SOX6: variants seen among roughly 807,000 people sequenced by gnomAD.
SOX6 encodes the protein transcription factor SOX-6.
Under a neutral mutation model 97.8 loss-of-function variants are expected in SOX6, and 11 were observed. The observed-to-expected ratio is 0.11, with a 90% CI of 0.07 to 0.19. The LOEUF is 0.19. Among genes scored for constraint, SOX6 ranks in the 10% least tolerant of loss-of-function variants. The pLI, the probability that SOX6 is intolerant of heterozygous loss-of-function variation, is 1.00. For synonymous variants in SOX6, 360 were observed against 371.4 expected (o/e 0.97, Z 0.35); for missense variants, 810 against 1,039.5 (o/e 0.78, Z 3.04).
chr11:16,334,258 A>C (rs2134328985), intron 2 of SOX6, among the ~76,000 whole-genome samples: 1 of 152,280 alleles, frequency 6.6e-6, no homozygotes, highest in South Asian at 2.1e-4. Context: ...AAATGCAAAA[A>C]GTCTTTGCAC....
intron 3 of SOX6, among the ~76,000 whole-genome samples, chr11:16,279,460 T>C (rs1417792918): frequency 2.0e-5 from 3 of 152,090 alleles, no homozygotes; most frequent in Non-Finnish European, 4.4e-5. Context: ...CATATTTCAA[T>C]TTCTGAAGAG....
chr11:16,599,897 A>G (rs1011053825), intron 4 of SOX6, among the ~76,000 whole-genome samples: 4 of 152,222 alleles, frequency 2.6e-5, no homozygotes, highest in African/African-American at 9.6e-5. Flanking sequence ...GAGATTCTGA[A>G]TATAAACAAG....
intron 3 of SOX6, among the ~76,000 whole-genome samples, chr11:16,693,293 T>A (rs771051871): frequency 6.6e-6 from 1 of 152,188 alleles, no homozygotes; most frequent in African/African-American, 2.4e-5. Flanking sequence ...TTGGTGGTGA[T>A]TTTTCCTCCA....
chr11:16,588,560 G>C (rs777060940), intron 4 of SOX6, among the ~76,000 whole-genome samples: 2 of 152,106 alleles, frequency 1.3e-5, no homozygotes, highest in Non-Finnish European at 2.9e-5. Context: ...AAACAACAAA[G>C]AGCCCCAGAC....
At chr11:16,399,797 T>TA (rs1858495734) in intron 1 of SOX6, among the ~76,000 whole-genome samples, 1 of 151,312 alleles carries the variant, frequency 6.6e-6, no homozygotes, top group Non-Finnish European at 1.5e-5. Flanking sequence ...CTTGAAGAAG[T>TA]AAAAGCTTGG....
intron 6 of SOX6, among the ~76,000 whole-genome samples, chr11:16,132,305 AGGAAG>A (rs1849771807): frequency 3.9e-5 from 5 of 129,630 alleles, no homozygotes; most frequent in African/African-American, 1.5e-4. Flanking sequence ...GAAGGAAGGA[AGGAAG>A]GAAGGAAGGA....
chr11:15,971,135 C>T lies in SOX6; in HGVS notation c.*1674G>A, dbSNP rs1485100213. The T allele has an allele frequency of 1.3e-5, 2 of 152,594 alleles. No individual in the cohort carries two copies. Among genetic ancestry groups the T allele is most frequent in the East Asian group, 1.9e-4 (1 of 5,210 alleles). The allele number at this position is 152,594 out of a possible 1,614,324, so 9.5% of individuals were successfully genotyped here. On this transcript the variant is annotated 3_prime_UTR_variant, in exon 16 of 16. Transcript: ENST00000683767. ...GCCAGAGGAACTCATCTGCTGCCCC[C>T]GGAGCTATCTGTTCCCCAGAGTTAA...
At chr11:16,189,393 T>G (rs887941698) in intron 4 of SOX6, among the ~76,000 whole-genome samples, 1 of 150,996 alleles carries the variant, frequency 6.6e-6, no homozygotes, top group African/African-American at 2.4e-5. Context: ...GAAAACGCTA[T>G]AGGCAAAGGT....
intron 6 of SOX6, among the ~76,000 whole-genome samples, chr11:16,132,543 A>C (rs1234624255): frequency 6.6e-6 from 1 of 151,462 alleles, no homozygotes; most frequent in Admixed American, 6.6e-5. Flanking sequence ...TTGGCATGAT[A>C]AAGGTTTTTC....
At chr11:16,035,731 A>G (rs1284575465) in intron 12 of SOX6, among the ~76,000 whole-genome samples, 1 of 152,178 alleles carries the variant, frequency 6.6e-6, no homozygotes, top group Non-Finnish European at 1.5e-5. Context: ...GTTCTATTTA[A>G]CCTACACTCT....
At chr11:16,370,661 C>A (rs149387750) in intron 1 of SOX6, among the ~76,000 whole-genome samples, 1 of 152,118 alleles carries the variant, frequency 6.6e-6, no homozygotes, top group African/African-American at 2.4e-5. Context: ...CAGAACTGAG[C>A]TTTTGATATT....
intron 3 of SOX6, among the ~76,000 whole-genome samples, chr11:16,635,917 T>C (rs1054134918): frequency 2.6e-5 from 4 of 152,220 alleles, no homozygotes; most frequent in East Asian, 1.9e-4. Context: ...AACCTCTGTC[T>C]AGATTTCAGA....
intron 3 of SOX6, among the ~76,000 whole-genome samples, chr11:16,690,598 G>T (rs1264475925): frequency 6.6e-6 from 1 of 152,172 alleles, no homozygotes; most frequent in East Asian, 1.9e-4. Flanking sequence ...TATATGTTTT[G>T]AAAATTGTAC....
intron 3 of SOX6, among the ~76,000 whole-genome samples, chr11:16,271,263 A>T (rs953932936): frequency 6.6e-6 from 1 of 151,380 alleles, no homozygotes; most frequent in Admixed American, 6.6e-5. Context: ...GTGGTATTTG[A>T]TTATACTTGC....
chr11:16,198,947 T>C (rs897871382), intron 4 of SOX6, among the ~76,000 whole-genome samples: 4 of 152,168 alleles, frequency 2.6e-5, no homozygotes, highest in Admixed American at 2.6e-4. Context: ...GTATACTTCC[T>C]ACGTGTCAGC....
chr11:16,306,429 G>C (rs1307371675), intron 3 of SOX6, among the ~76,000 whole-genome samples: 1 of 152,052 alleles, frequency 6.6e-6, no homozygotes, highest in Admixed American at 6.6e-5. Flanking sequence ...AGAAGATTAG[G>C]TATGATCCGG....
chr11:16,192,723 T>C, intron 4 of SOX6, among the ~76,000 whole-genome samples: 1 of 152,164 alleles, frequency 6.6e-6, no homozygotes, highest in South Asian at 2.1e-4. Flanking sequence ...AAGGCAATTC[T>C]CTTATTGATA....
At chr11:16,514,702 C>G (rs888096172) in intron 4 of SOX6, among the ~76,000 whole-genome samples, 2 of 118,150 alleles carry the variant, frequency 1.7e-5, no homozygotes, top group South Asian at 6.9e-4. Context: ...CCCCCTCCCC[C>G]CACCCCACAA....
chr11:16,260,307 C>A (rs1437491926), intron 3 of SOX6, among the ~76,000 whole-genome samples: 1 of 151,900 alleles, frequency 6.6e-6, no homozygotes. Flanking sequence ...GGCCAATGTC[C>A]CAAATTTTAA....
Sources: allele counts gnomAD v4.1 joint callset (sites outside exome capture counted in the v4.1 genomes callset), GRCh38; gene constraint gnomAD v4.1.1; transcripts MANE v1.5; gene names NCBI Gene and HGNC (gene_info 2026-07-23, HGNC 2026-07-21).